The following TENM4 variants were observed in gnomAD, a reference collection of about 807,000 sequenced individuals.
TENM4 encodes teneurin-4.
A neutral mutation model predicts 243.3 loss-of-function variants in TENM4; 82 were observed. That is an observed-to-expected ratio of 0.34 (90% confidence interval 0.28 to 0.40). TENM4 has a LOEUF of 0.40. TENM4 is among the 10% of genes least tolerant of loss of function. The pLI, the probability that TENM4 is intolerant of heterozygous loss-of-function variation, is 1.00. For synonymous variants in TENM4, 1,412 were observed against 1,456.3 expected (o/e 0.97, Z 0.69); for missense variants, 3,138 against 3,673.3 (o/e 0.85, Z 3.77).
intron 1 of TENM4, among the ~76,000 whole-genome samples, chr11:79,394,041 C>T (rs1858290763): frequency 1.3e-5 from 2 of 152,180 alleles, no homozygotes; most frequent in African/African-American, 4.8e-5. Context: ...GAATTGAACC[C>T]TGGCTCCCCG....
intron 2 of TENM4, among the ~76,000 whole-genome samples, chr11:79,278,614 A>T (rs563283838): frequency 6.6e-6 from 1 of 152,252 alleles, no homozygotes; most frequent in African/African-American, 2.4e-5. Context: ...TTGCCACTTC[A>T]TCTTTGTTGT....
chr11:79,049,959 T>G (rs1355393042), intron 6 of TENM4, among the ~76,000 whole-genome samples: 1 of 152,242 alleles, frequency 6.6e-6, no homozygotes, highest in Admixed American at 6.5e-5. Flanking sequence ...TTTTTTTCCC[T>G]TTTGCTGTAA....
rs189619966 is a variant in TENM4, at chr11:79,426,342, T to G, written c.-321+14167A>C. Among the ~76,000 whole-genome samples the G allele has an allele frequency of 2.0e-5, 3 of 152,294 alleles. No individual in the cohort carries two copies. The South Asian group carries it at 6.2e-4, about 32-fold the overall frequency. On this transcript the variant is annotated intron_variant, in intron 1 of 33. Transcript: ENST00000278550. Reference sequence around the variant, plus strand: ...AACATTTGCTTTACGGACAGGTGGATGTCTGTAGGGGACCCTGGCTCCCTG... The same window carrying G: ...AACATTTGCTTTACGGACAGGTGGAGGTCTGTAGGGGACCCTGGCTCCCTG...
chr11:79,044,366 A>T (rs1859608940), intron 6 of TENM4, among the ~76,000 whole-genome samples: 1 of 152,220 alleles, frequency 6.6e-6, no homozygotes. Context: ...AATCTAGCTA[A>T]TCAGGTCAGA....
intron 1 of TENM4, among the ~76,000 whole-genome samples, chr11:79,359,478 A>G (rs1048285268): frequency 3.9e-5 from 6 of 152,218 alleles, no homozygotes; most frequent in Non-Finnish European, 4.4e-5. Context: ...AAATAATCCA[A>G]TGACCAGATA....
chr11:78,927,691 C>T (rs1856581801), intron 6 of TENM4, among the ~76,000 whole-genome samples: 2 of 152,180 alleles, frequency 1.3e-5, no homozygotes, highest in South Asian at 4.1e-4. Flanking sequence ...GGGCTCTTCA[C>T]TTTGAAGCCC....
intron 9 of TENM4, among the ~76,000 whole-genome samples, chr11:78,880,010 G>A (rs1859388833): frequency 6.6e-6 from 1 of 152,090 alleles, no homozygotes; most frequent in African/African-American, 2.4e-5. Context: ...TTGTCGAAAA[G>A]CAAAGGGGGA....
At chr11:79,308,197 G>A (rs1004412135) in intron 1 of TENM4, among the ~76,000 whole-genome samples, 4 of 152,194 alleles carry the variant, frequency 2.6e-5, no homozygotes, top group Admixed American at 6.5e-5. Flanking sequence ...AAGGGCCTTC[G>A]CCTTTTTGTC....
intron 19 of TENM4, among the ~76,000 whole-genome samples, chr11:78,743,184 C>T (rs1245569180): frequency 2.0e-5 from 3 of 152,130 alleles, no homozygotes; most frequent in Non-Finnish European, 4.4e-5. Context: ...GAAACTTCCA[C>T]CTCTCCTAGG....
chr11:78,987,060 A>C (rs889857997), intron 6 of TENM4, among the ~76,000 whole-genome samples: 8 of 152,236 alleles, frequency 5.3e-5, no homozygotes, highest in African/African-American at 1.9e-4. Flanking sequence ...TAGGTATAAT[A>C]ATAAGAACAG....
chr11:78,954,990 C>T (rs574741407), intron 6 of TENM4, among the ~76,000 whole-genome samples: 1 of 152,210 alleles, frequency 6.6e-6, no homozygotes, highest in Non-Finnish European at 1.5e-5. Context: ...CAGGCCTGTG[C>T]CTCTCTGTAA....
intron 9 of TENM4, among the ~76,000 whole-genome samples, chr11:78,879,508 G>A (rs12272283): frequency 9.0e-4 from 102 of 113,898 alleles, no homozygotes; most frequent in African/African-American, 2.7e-3. Flanking sequence ...TGGCAGCCCC[G>A]TCTGGGAACT....
At chr11:78,896,966 G>A (rs756408434) in intron 7 of TENM4, among the ~76,000 whole-genome samples, 4 of 152,114 alleles carry the variant, frequency 2.6e-5, no homozygotes, top group Admixed American at 6.6e-5. Flanking sequence ...TATAACAGTG[G>A]CCCTGGGCTG....
At chr11:79,074,372 G>A (rs1423475408) in intron 4 of TENM4, among the ~76,000 whole-genome samples, 1 of 152,112 alleles carries the variant, frequency 6.6e-6, no homozygotes, top group East Asian at 1.9e-4. Flanking sequence ...AGGAATGCTG[G>A]GGAAGGGGCC....
rs559970341 is a variant in TENM4 at position 79,377,864 on chromosome 11, A to G, written c.-321+62645T>C. ...AGAAACACAAGCCAAAAAACAAAACAAAATACAATTAAAAAAAATAGAGAT... is the reference window on the plus strand; with the variant it reads ...AGAAACACAAGCCAAAAAACAAAACGAAATACAATTAAAAAAAATAGAGAT... On this transcript the variant is annotated intron_variant, in intron 1 of 33. Coordinates refer to ENST00000278550, the MANE Select transcript of TENM4 (RefSeq NM_001098816.3). Among the ~76,000 whole-genome samples the G allele has an allele frequency of 2.8e-4, 42 of 149,482 alleles. 1 individual carries two copies. The highest frequency in any genetic ancestry group is 1.0e-3 in the African/African-American group (42 of 40,784).
chr11:78,677,797 A>G lies in TENM4; in HGVS notation c.5261-1410T>C, dbSNP rs1463810579. 3.3e-5 allele frequency among the ~76,000 whole-genome samples: 5 copies of G among 150,370 alleles called. No individual in the cohort carries two copies. The East Asian group carries it at 9.7e-4, about 29-fold the overall frequency. The stretch of plus-strand genomic sequence containing the variant: ...TTCTTTTTTTTTTTATTATACTCTA[A>G]GTTTTAGGGTACATGTGCACATTGT... On this transcript the variant is annotated intron_variant, in intron 29 of 33. Transcript: ENST00000278550.
intron 16 of TENM4, among the ~76,000 whole-genome samples, chr11:78,781,841 C>G (rs1856844269): frequency 6.6e-6 from 1 of 152,222 alleles, no homozygotes; most frequent in Non-Finnish European, 1.5e-5. Context: ...CAGTGCTCTT[C>G]TCTCTTTGGA....
intron 2 of TENM4, among the ~76,000 whole-genome samples, chr11:79,235,504 G>A (rs571415538): frequency 3.9e-5 from 6 of 152,276 alleles, no homozygotes; most frequent in African/African-American, 1.2e-4. Flanking sequence ...TAGGACCTCT[G>A]TAATAACACT....
chr11:79,221,049 T>C (rs1864145649), intron 2 of TENM4: 1 of 152,194 alleles, frequency 6.6e-6, no homozygotes, highest in South Asian at 2.1e-4. Context: ...TTCAATAACA[T>C]CTTAATAATG....
Sources: allele counts gnomAD v4.1 joint callset (sites outside exome capture counted in the v4.1 genomes callset), GRCh38; gene constraint gnomAD v4.1.1; transcripts MANE v1.5; gene names NCBI Gene and HGNC (gene_info 2026-07-23, HGNC 2026-07-21).